The following EFHD1 variants were observed in gnomAD, a reference collection of about 807,000 sequenced individuals.
EFHD1 encodes the protein EF-hand domain family member D1.
A neutral mutation model predicts 17.2 loss-of-function variants in EFHD1; 10 were observed. The ratio of observed to expected loss-of-function variants is 0.58; its 90% CI spans 0.36 to 0.99. EFHD1 has a LOEUF of 0.99. Among genes scored for constraint, EFHD1 ranks in the 50% least tolerant of loss-of-function variants. The pLI is 0.01. For synonymous variants in EFHD1, 153 were observed against 142.0 expected (o/e 1.08, Z -0.55); for missense variants, 310 against 327.5 (o/e 0.95, Z 0.41).
chr2:232,650,567 T>C (rs1226820866), intron 1 of EFHD1, among the ~76,000 whole-genome samples: 1 of 109,674 alleles, frequency 9.1e-6, no homozygotes, highest in African/African-American at 3.9e-5. Flanking sequence ...GTGCTTTTTT[T>C]TTTTTTTTTT....
intron 1 of EFHD1, among the ~76,000 whole-genome samples, chr2:232,613,661 T>A (rs200668073): frequency 7.8e-6 from 1 of 128,726 alleles, no homozygotes; most frequent in Non-Finnish European, 1.7e-5. Flanking sequence ...CACACACAAA[T>A]ACACACACAC....
chr2:232,639,358 T>C (rs1187134115), intron 1 of EFHD1, among the ~76,000 whole-genome samples: 3 of 149,280 alleles, frequency 2.0e-5, no homozygotes, highest in Non-Finnish European at 4.5e-5. Context: ...GACTTTAACT[T>C]TTTTTTTTTT....
intron 1 of EFHD1, among the ~76,000 whole-genome samples, chr2:232,620,146 C>T (rs1319397119): frequency 1.3e-5 from 2 of 150,988 alleles, no homozygotes; most frequent in Admixed American, 6.6e-5. Flanking sequence ...CCTAGCACTT[C>T]GGGAGGCTGA....
At position 232,667,182 on chromosome 2, in the gene EFHD1, A is replaced by G. The variant is rs181319274; in HGVS notation, c.450+4233A>G. On this transcript the variant is annotated intron_variant, in intron 2 of 3. Transcript: ENST00000264059. Reference sequence around the variant, plus strand: ...TGCACAATTTTGTTAGGGCAGCCCAAGCAGACGAATACAGTGGCCCCTGGA... The same window carrying G: ...TGCACAATTTTGTTAGGGCAGCCCAGGCAGACGAATACAGTGGCCCCTGGA... 3.3e-5 allele frequency among the ~76,000 whole-genome samples: 5 copies of G among 152,170 alleles called. No homozygotes were observed. In the East Asian group the frequency reaches 9.7e-4, roughly 29 times the overall value.
chr2:232,619,344 CT>C (rs1693982441), intron 1 of EFHD1, among the ~76,000 whole-genome samples: 1 of 145,294 alleles, frequency 6.9e-6, no homozygotes, highest in Non-Finnish European at 1.5e-5. Flanking sequence ...AAGTCTCGCT[CT>C]TTTTCCCTAG....
At chr2:232,642,096 C>T (rs1694442904) in intron 1 of EFHD1, among the ~76,000 whole-genome samples, 1 of 152,142 alleles carries the variant, frequency 6.6e-6, no homozygotes, top group South Asian at 2.1e-4. Flanking sequence ...ATGAAAAAGA[C>T]AAATGAGGCC....
chr2:232,678,313 G>A (rs943773906), intron 3 of EFHD1, among the ~76,000 whole-genome samples: 1 of 152,018 alleles, frequency 6.6e-6, no homozygotes, highest in South Asian at 2.1e-4. Flanking sequence ...ATGGAATGCA[G>A]TGATTACATT....
At chr2:232,623,056 C>CT (rs1203170963) in intron 1 of EFHD1, among the ~76,000 whole-genome samples, 4 of 151,386 alleles carry the variant, frequency 2.6e-5, no homozygotes, top group African/African-American at 9.7e-5. Flanking sequence ...CTTTTCTTTT[C>CT]TTTTTTTTGA....
In EFHD1 at chr2:232,681,948, C is replaced by G; in HGVS notation, c.*229C>G. 2 of 526,640 alleles carry G rather than the reference C, an allele frequency of 3.8e-6. No individual in the cohort carries two copies. Among genetic ancestry groups the G allele is most frequent in the Non-Finnish European group, 6.5e-6 (2 of 307,546 alleles). 32.6% of individuals were successfully genotyped at this position (526,640 alleles called of 1,614,324 possible). A position where few individuals can be genotyped will look rare whatever the true frequency, so the allele number is the denominator to read the frequency against. On this transcript the variant is annotated 3_prime_UTR_variant, in exon 4 of 4. Coordinates refer to ENST00000264059, the MANE Select transcript of EFHD1 (RefSeq NM_025202.4). ...CCACCTCTGTCTCCTGCCTCTGCTC[C>G]TCTGCCCTTCTTATAGCCAGAACTT... is the stretch of plus-strand genomic sequence containing the variant.
At position 232,681,763 on chromosome 2, in the gene EFHD1, G is replaced by T. The variant is rs779182006; in HGVS notation, c.*44G>T. On this transcript the variant is annotated 3_prime_UTR_variant, in exon 4 of 4. Transcript: ENST00000264059. The stretch of plus-strand genomic sequence containing the variant: ...CTGCCCACAGCTGTGCCTCACAGAT[G>T]CCCCGAGAAGAGATGACTAGGCATC... The T allele has an allele frequency of 6.3e-7, 1 of 1,593,604 alleles. No homozygotes were observed. The highest frequency in any genetic ancestry group is 1.1e-5 in the South Asian group (1 of 88,256).
chr2:232,647,900 G>A (rs917920275), intron 1 of EFHD1, among the ~76,000 whole-genome samples: 1 of 152,000 alleles, frequency 6.6e-6, no homozygotes, highest in African/African-American at 2.4e-5. Flanking sequence ...GCCTCCCTAA[G>A]TGCTGGGATT....
Position 232,661,804 on chromosome 2 carries a change from G to A in EFHD1, c.303-998G>A, listed in dbSNP as rs138654218. On this transcript the variant is annotated intron_variant, in intron 1 of 3. Transcript: ENST00000264059. The stretch of plus-strand genomic sequence containing the variant: ...ACGAACTCTTGACCTCAGGTGATCC[G>A]CCCGCCTCGGCCTCCTGAAGTGCTG... The A allele has an allele frequency of 4.1e-3, 630 of 152,124 alleles. 1 individual carries two copies. The highest frequency in any genetic ancestry group is 0.017 in the Middle Eastern group (5 of 294). 9.4% of individuals were successfully genotyped at this position (152,124 alleles called of 1,614,324 possible).
At chr2:232,679,754 T>C (rs74820160) in intron 3 of EFHD1, among the ~76,000 whole-genome samples, 4,868 of 145,178 alleles carry the variant, frequency 0.034, 176 homozygotes, top group East Asian at 0.21. Context: ...AATTTAAAGA[T>C]AATATAATAA....
intron 1 of EFHD1, among the ~76,000 whole-genome samples, chr2:232,656,477 C>T (rs1481527905): frequency 6.6e-6 from 1 of 151,286 alleles, no homozygotes; most frequent in Non-Finnish European, 1.5e-5. Context: ...CTCTGTCACC[C>T]AGGCTGGAGT....
chr2:232,678,696 T>C lies in EFHD1; in HGVS notation c.586-2889T>C, dbSNP rs1695222219. Among the ~76,000 whole-genome samples the C allele has an allele frequency of 2.0e-5, 3 of 152,150 alleles. No homozygotes were observed. The South Asian group carries it at 6.2e-4, about 32-fold the overall frequency. ...TACTCGGGAGACTGAGGCAGGAGAA[T>C]TGCTTGAACCTGGGAGGCGGAGGTT... On this transcript the variant is annotated intron_variant, in intron 3 of 3. Coordinates refer to ENST00000264059, the MANE Select transcript of EFHD1 (RefSeq NM_025202.4).
chr2:232,667,887 C>T (rs930195345), intron 2 of EFHD1, among the ~76,000 whole-genome samples: 2 of 152,182 alleles, frequency 1.3e-5, no homozygotes, highest in Non-Finnish European at 2.9e-5. Context: ...ATGAATACCT[C>T]CTTTTTGCTT....
At chr2:232,620,605 T>C (rs1462031487) in intron 1 of EFHD1, among the ~76,000 whole-genome samples, 4 of 151,950 alleles carry the variant, frequency 2.6e-5, no homozygotes, top group Non-Finnish European at 4.4e-5. Context: ...CAGGCCTTAT[T>C]ATTGTTTTGT....
intron 1 of EFHD1, among the ~76,000 whole-genome samples, chr2:232,652,371 A>G (rs890697670): frequency 6.6e-6 from 1 of 152,102 alleles, no homozygotes; most frequent in Admixed American, 6.6e-5. Context: ...CACTGAGCAC[A>G]CACTGTGCCT....
chr2:232,632,161 C>T (rs1694214530), upstream of EFHD1, among the ~76,000 whole-genome samples: 1 of 152,112 alleles, frequency 6.6e-6, no homozygotes, highest in Non-Finnish European at 1.5e-5. Context: ...GGAAGTGTAG[C>T]GCCCCGTGAT....
Sources: allele counts gnomAD v4.1 joint callset (sites outside exome capture counted in the v4.1 genomes callset), GRCh38; gene constraint gnomAD v4.1.1; transcripts MANE v1.5; gene names NCBI Gene and HGNC (gene_info 2026-07-23, HGNC 2026-07-21).